PTPRB: variants seen among roughly 807,000 people sequenced by gnomAD.
PTPRB encodes receptor-type tyrosine-protein phosphatase beta.
Under a neutral mutation model 238.1 loss-of-function variants are expected in PTPRB, and 97 were observed. The ratio of observed to expected loss-of-function variants is 0.41; its 90% CI spans 0.35 to 0.48. The LOEUF (loss-of-function observed/expected upper bound fraction) is 0.48. Among genes scored for constraint, PTPRB ranks in the 20% least tolerant of loss-of-function variants. The pLI, the probability that PTPRB is intolerant of heterozygous loss-of-function variation, is 0.30. For missense variants in PTPRB, 2,292 were observed against 2,681.9 expected, an observed-to-expected ratio of 0.85 and a Z score of 3.21; for synonymous variants, 970 against 995.4, an observed-to-expected ratio of 0.97 and a Z score of 0.48.
At position 70,569,896 on chromosome 12, in the gene PTPRB, G is replaced by T; in HGVS notation, c.3413C>A (p.Ala1138Glu). 6.2e-7 allele frequency: 1 copy of T among 1,612,496 alleles called. No homozygotes were observed. Among genetic ancestry groups the T allele is most frequent in the Non-Finnish European group, 8.5e-7 (1 of 1,178,522 alleles). ...VKNIHISPNGATDSLTVNWTP... is the reference protein window; with the variant it reads ...VKNIHISPNGETDSLTVNWTP... ...CCAGTTCACCGTCAGGCTATCTGTT[G>T]CTCCATTGGGAGAAATGTGAATATT... The change falls in exon 14 of 34, where the codon GCA (alanine) becomes GAA (glutamate). Residue 1138 changes from alanine to glutamate, a missense_variant. Coordinates refer to ENST00000334414, the MANE Select transcript of PTPRB (RefSeq NM_001109754.4).
At position 70,599,131 on chromosome 12, in the gene PTPRB, C is replaced by T. The variant is rs192160179; in HGVS notation, c.980-2804G>A. 5.1e-3 allele frequency among the ~76,000 whole-genome samples: 779 copies of T among 152,288 alleles called. 10 individuals carry two copies. Among genetic ancestry groups the T allele is most frequent in the African/African-American group, 0.018 (743 of 41,566 alleles). On this transcript the variant is annotated intron_variant, in intron 4 of 33. Coordinates refer to ENST00000334414, the MANE Select transcript of PTPRB (RefSeq NM_001109754.4). ...TTTAAATCTAAGCCCAATAAAAACTCTGATGGATTTAAAAAGTTTTCAAAA... is the reference window on the plus strand; with the variant it reads ...TTTAAATCTAAGCCCAATAAAAACTTTGATGGATTTAAAAAGTTTTCAAAA...
intron 24 of PTPRB, 42 bp downstream of exon 24, chr12:70,539,897 C>A (rs773177300): frequency 6.3e-7 from 1 of 1,580,934 alleles, no homozygotes; most frequent in Non-Finnish European, 8.7e-7. Flanking sequence ...TCACATAATA[C>A]CATCTTTCAA....
chr12:70,572,170 AAG>A, intron 11 of PTPRB, 83 bp from the exon 12 acceptor site: 1 of 1,340,402 alleles, frequency 7.5e-7, no homozygotes, highest in Non-Finnish European at 1.0e-6. Context: ...GGACAATAAA[AAG>A]AGAGAGTAGA....
chr12:70,561,521 C>T (rs181098635), intron 16 of PTPRB, among the ~76,000 whole-genome samples: 61 of 152,288 alleles, frequency 4.0e-4, no homozygotes, highest in African/African-American at 1.3e-3. Flanking sequence ...ATTGGGAGAC[C>T]TTTAAGCATT....
rs1879327617 is a variant in PTPRB, at chr12:70,566,564, T to A, written c.3775A>T (p.Thr1259Ser). 6.2e-7 allele frequency: 1 copy of A among 1,614,042 alleles called. No homozygotes were observed. Among genetic ancestry groups the A allele is most frequent in the Admixed American group, 1.7e-5 (1 of 60,026 alleles). ...TGCTTAGTGGTGGCTGGCTCTGATGTGTTGCGCAGAAGGATTCCATTTTCA... is the reference window on the plus strand; with the variant it reads ...TGCTTAGTGGTGGCTGGCTCTGATGAGTTGCGCAGAAGGATTCCATTTTCA... Reference protein sequence around the residue: ...LTENGILLRNTSEPATTKQHK... With the variant: ...LTENGILLRNSSEPATTKQHK... The change falls in exon 15 of 34, where the codon ACA becomes TCA. Residue 1259 changes from threonine to serine, a missense_variant. Physicochemically the swap from Thr to Ser is moderately conservative, Grantham distance 58. This residue lies in a region of PTPRB where 683 missense variants were observed against 862.0 expected (regional missense o/e 0.79). Coordinates refer to ENST00000334414, the MANE Select transcript of PTPRB (RefSeq NM_001109754.4).
intron 32 of PTPRB, among the ~76,000 whole-genome samples, chr12:70,528,664 A>G (rs756504610): frequency 6.6e-6 from 1 of 152,190 alleles, no homozygotes; most frequent in African/African-American, 2.4e-5. Context: ...CAAACAAAAA[A>G]TAGAAATAAT....
intron 31 of PTPRB, among the ~76,000 whole-genome samples, chr12:70,533,855 C>A (rs559082956): frequency 6.6e-6 from 1 of 152,212 alleles, no homozygotes; most frequent in African/African-American, 2.4e-5. Flanking sequence ...AGACTAAGCT[C>A]TCAACAGACA....
At position 70,539,721 on chromosome 12, in the gene PTPRB, GAAAC is replaced by G. The variant is rs770365621; in HGVS notation, c.5697-19_5697-16del. The G allele has an allele frequency of 2.9e-5, 46 of 1,600,104 alleles. No individual in the cohort carries two copies. Among genetic ancestry groups the G allele is most frequent in the Admixed American group, 8.4e-5 (5 of 59,500 alleles). ...TTTTTATTGGACTGTAATTAAAAAT[GAAAC>G]AAACAGAAAAGAGTTACTGCAGAAA... is the stretch of plus-strand genomic sequence containing the variant. On this transcript the variant is annotated splice_polypyrimidine_tract_variant and intron_variant, in intron 25 of 33. Transcript: ENST00000334414.
At chr12:70,576,688 G>GGGGGGGGGGGGGA (rs1880813094) in intron 10 of PTPRB, 43 bp from the exon 11 acceptor site, 1 of 337,094 alleles carries the variant, frequency 3.0e-6, no homozygotes, top group Admixed American at 4.4e-5. Flanking sequence ...GGGGGAAGGG[G>GGGGGGGGGGGGGA]GATTCAAAAA....
chr12:70,552,498 A>AAAAT (rs1555224803), intron 21 of PTPRB, among the ~76,000 whole-genome samples: 45 of 150,286 alleles, frequency 3.0e-4, no homozygotes, highest in African/African-American at 1.0e-3. Context: ...AAAAAAAAAA[A>AAAAT]AATAATGAAA....
intron 32 of PTPRB, among the ~76,000 whole-genome samples, chr12:70,528,398 G>A (rs1445903694): frequency 6.6e-6 from 1 of 152,030 alleles, no homozygotes; most frequent in East Asian, 1.9e-4. Flanking sequence ...AACTTTGATG[G>A]TGGCAGTGGT....
chr12:70,592,184 G>T, intron 7 of PTPRB, 98 bp downstream of exon 7: 1 of 1,523,580 alleles, frequency 6.6e-7, no homozygotes, highest in Non-Finnish European at 9.0e-7. Flanking sequence ...TTCTCAGATT[G>T]GGAAAGGAGT....
chr12:70,545,919 C>T (rs916509908), intron 21 of PTPRB, among the ~76,000 whole-genome samples: 1 of 152,094 alleles, frequency 6.6e-6, no homozygotes, highest in African/African-American at 2.4e-5. Context: ...GGCAGATCAC[C>T]TGAGGTCAGG....
intron 21 of PTPRB, among the ~76,000 whole-genome samples, chr12:70,550,894 T>A (rs1373392579): frequency 1.3e-5 from 2 of 151,988 alleles, no homozygotes; most frequent in African/African-American, 4.8e-5. Flanking sequence ...TGAATCTTTT[T>A]TTTTTTCTTT....
intron 22 of PTPRB, among the ~76,000 whole-genome samples, chr12:70,543,273 T>C (rs1592431650): frequency 6.6e-6 from 1 of 152,328 alleles, no homozygotes. Context: ...ATTTTTGAAG[T>C]TGCATTTTAA....
intron 5 of PTPRB, among the ~76,000 whole-genome samples, 172 bp from the exon 6 acceptor site, chr12:70,594,896 C>T (rs1207330502): frequency 6.6e-6 from 1 of 152,178 alleles, no homozygotes; most frequent in Non-Finnish European, 1.5e-5. Flanking sequence ...TTGATTAGTG[C>T]TCTTTTCAAA....
intron 32 of PTPRB, among the ~76,000 whole-genome samples, 158 bp from the exon 33 acceptor site, chr12:70,524,749 T>C (rs973569500): frequency 1.7e-4 from 26 of 152,120 alleles, no homozygotes; most frequent in African/African-American, 6.3e-4. Context: ...AGTGACTGTC[T>C]TTTATTACCA....
intron 33 of PTPRB, 64 bp downstream of exon 33, chr12:70,524,407 G>T (rs545790092): frequency 6.6e-7 from 1 of 1,506,234 alleles, no homozygotes; most frequent in Admixed American, 2.0e-5. Flanking sequence ...AAGCCTCTAT[G>T]CCTGGCCAGA....
intron 3 of PTPRB, among the ~76,000 whole-genome samples, chr12:70,609,580 T>C (rs2717431): frequency 0.55 from 83,283 of 152,092 alleles, 23,494 homozygotes; most frequent in African/African-American, 0.69. Flanking sequence ...CTTTGACAGC[T>C]GGATAAGCTG....
Sources: allele counts gnomAD v4.1 joint callset (sites outside exome capture counted in the v4.1 genomes callset), GRCh38; gene constraint gnomAD v4.1.1; regional missense constraint gnomAD v4.1.1; transcripts MANE v1.5; gene names NCBI Gene and HGNC (gene_info 2026-07-23, HGNC 2026-07-21).